TRIM11: variants seen among roughly 807,000 people sequenced by gnomAD.
The protein encoded by TRIM11 is E3 ubiquitin-protein ligase TRIM11.
Under a neutral mutation model 33.4 loss-of-function variants are expected in TRIM11, and 15 were observed. That is an observed-to-expected ratio of 0.45 (90% CI 0.30 to 0.69). The LOEUF is 0.69. TRIM11 is among the 30% of genes least tolerant of loss of function. TRIM11 has a pLI of 0.08. For synonymous variants in TRIM11, 281 were observed against 302.6 expected (o/e 0.93, Z 0.74); for missense variants, 499 against 667.6 (o/e 0.75, Z 2.78).
At chr1:228,398,886 T>C (rs2075007346) in intron 3 of TRIM11, among the ~76,000 whole-genome samples, 1 of 151,724 alleles carries the variant, frequency 6.6e-6, no homozygotes, top group South Asian at 2.1e-4. Context: ...GAGAAGGGCT[T>C]GGGGGTAGAG....
Position 228,397,169 on chromosome 1 carries a change from T to A in TRIM11, c.736-4A>T. 1 of 1,612,106 alleles carries A rather than the reference T, an allele frequency of 6.2e-7. No homozygotes were observed. The highest frequency in any genetic ancestry group is 1.1e-5 in the South Asian group (1 of 91,000). ...TGCGCAGGGCGTCCTTGATGTCCTA[T>A]GTGGGGAGGAGAAACAGCACACTCG... On this transcript the variant is annotated splice_polypyrimidine_tract_variant and splice_region_variant and intron_variant, in intron 3 of 5. Coordinates refer to ENST00000284551, the MANE Select transcript of TRIM11 (RefSeq NM_145214.3).
chr1:228,401,917 G>A lies in TRIM11; in HGVS notation c.504+149C>T. 1.9e-6 allele frequency: 1 copy of A among 527,142 alleles called. No homozygotes were observed. Among genetic ancestry groups the A allele is most frequent in the Middle Eastern group, 5.1e-4 (1 of 1,966 alleles). 32.7% of individuals were successfully genotyped at this position (527,142 alleles called of 1,614,324 possible). A position where few individuals can be genotyped will look rare whatever the true frequency, so the allele number is the denominator to read the frequency against. On this transcript the variant is annotated intron_variant, in intron 2 of 5. Coordinates refer to ENST00000284551, the MANE Select transcript of TRIM11 (RefSeq NM_145214.3). The surrounding 1 kb of genome is among the most constrained non-coding windows in gnomAD (Gnocchi z 6.1). ...CACGTGGGAAAGGACCAGCCCTTCA[G>A]TGGGCTCGGTGGGGCCAGGCTGAAG...
chr1:228,406,330 C>A lies in TRIM11; in HGVS notation c.232G>T (p.Ala78Ser). 2 of 1,472,556 alleles carry A rather than the reference C, an allele frequency of 1.4e-6. No homozygotes were observed. The highest frequency in any genetic ancestry group is 2.8e-5 in the East Asian group (1 of 36,218). 91.2% of individuals were successfully genotyped at this position (1,472,556 alleles called of 1,614,324 possible). A position where few individuals can be genotyped will look rare whatever the true frequency, so the allele number is the denominator to read the frequency against. ...GGCGACGGCGGGTGCAGGCGCCGCGCCATCTCGGCCATCTTAGCAAGCGGG... is the reference window on the plus strand; with the variant it reads ...GGCGACGGCGGGTGCAGGCGCCGCGACATCTCGGCCATCTTAGCAAGCGGG... ...NRPLAKMAEM[A>S]RRLHPPSPVP... The change falls in exon 1 of 6, where the codon GCG (alanine) becomes TCG (serine). Residue 78 changes from alanine (A) to serine (S), a missense_variant. Physicochemically the swap from Ala to Ser is moderately conservative, Grantham distance 99. Coordinates refer to ENST00000284551, the MANE Select transcript of TRIM11 (RefSeq NM_145214.3). This position sits in a 1 kb window ranked among gnomAD's most constrained non-coding sequence, Gnocchi z 8.2.
intron 2 of TRIM11, 41 bp downstream of exon 2, chr1:228,402,025 C>T (rs1656250432): frequency 6.4e-7 from 1 of 1,572,652 alleles, no homozygotes; most frequent in Admixed American, 1.7e-5. Flanking sequence ...ACCTTCACCC[C>T]CTACCCTGCC....
rs2074975606 is a variant in TRIM11, at chr1:228,395,388, C to T, written c.860-136G>A. 7 of 856,544 alleles carry T rather than the reference C, an allele frequency of 8.2e-6. No homozygotes were observed. Among genetic ancestry groups the T allele is most frequent in the Admixed American group, 3.9e-5 (1 of 25,930 alleles). The allele number at this position is 856,544 out of a possible 1,614,324, so 53.1% of individuals were successfully genotyped here. On this transcript the variant is annotated intron_variant, in intron 5 of 5. Coordinates refer to ENST00000284551, the MANE Select transcript of TRIM11 (RefSeq NM_145214.3). This position sits in a 1 kb window ranked among gnomAD's most constrained non-coding sequence, Gnocchi z 4.8. ...CTGCCCTGGGCCTGTAGCCTCACAA[C>T]CTCCTGGAGTAACTAACTGTCTCCA...
chr1:228,399,030 G>A (rs1029285841), intron 3 of TRIM11, among the ~76,000 whole-genome samples: 11 of 152,062 alleles, frequency 7.2e-5, no homozygotes, highest in African/African-American at 2.7e-4. Flanking sequence ...GGACCCCAGA[G>A]TCCATAGCAG....
chr1:228,397,063 C>T lies in TRIM11; in HGVS notation c.759-16G>A, dbSNP rs1394068240. The T allele has an allele frequency of 1.9e-6, 3 of 1,613,896 alleles. No homozygotes were observed. The highest frequency in any genetic ancestry group is 2.5e-6 in the Non-Finnish European group (3 of 1,179,862). ...ATCCTGGACCCTAGAGGGGACAACC[C>T]AGGTGTTGTCGCCATGGCCAACAGC... On this transcript the variant is annotated splice_polypyrimidine_tract_variant and intron_variant, in intron 4 of 5. Transcript: ENST00000284551.
chr1:228,401,204 C>T lies in TRIM11; in HGVS notation c.505-10G>A, dbSNP rs1419458670. 2 of 1,610,836 alleles carry T rather than the reference C, an allele frequency of 1.2e-6. No individual in the cohort carries two copies. The highest frequency in any genetic ancestry group is 1.7e-6 in the Non-Finnish European group (2 of 1,178,370). The stretch of plus-strand genomic sequence containing the variant: ...GGCTCTCCACCATCTTCTGTGGAGC[C>T]CAGGGAGAAGGACAGCTGAGGCCAG... On this transcript the variant is annotated splice_polypyrimidine_tract_variant and intron_variant, in intron 2 of 5. Coordinates refer to ENST00000284551, the MANE Select transcript of TRIM11 (RefSeq NM_145214.3). This position sits in a 1 kb window ranked among gnomAD's most constrained non-coding sequence, Gnocchi z 6.1.
rs547389971 is a variant in TRIM11, at chr1:228,400,304, G to A, written c.735+660C>T. Among the ~76,000 whole-genome samples, 20 of 152,356 alleles carry A rather than the reference G, an allele frequency of 1.3e-4. No individual in the cohort carries two copies. Among genetic ancestry groups the A allele is most frequent in the African/African-American group, 4.6e-4 (19 of 41,582 alleles). ...CGGGGCCTCTCAGCATGGGAGTGCC[G>A]TCAGTCCTCATCAGTGCACGCTTGC... is the stretch of plus-strand genomic sequence containing the variant. On this transcript the variant is annotated intron_variant, in intron 3 of 5. Transcript: ENST00000284551. This position sits in a 1 kb window ranked among gnomAD's most constrained non-coding sequence, Gnocchi z 4.5.
chr1:228,399,898 A>AAC (rs1656116728), intron 3 of TRIM11, among the ~76,000 whole-genome samples: 1 of 150,928 alleles, frequency 6.6e-6, no homozygotes, highest in Non-Finnish European at 1.5e-5. Context: ...AAACAAAAAA[A>AAC]AAAAAACAAA....
chr1:228,402,538 C>G (rs375514853), intron 1 of TRIM11: 79 of 167,916 alleles, frequency 4.7e-4, no homozygotes, highest in African/African-American at 1.7e-3. Flanking sequence ...CCAGTGTCTA[C>G]TCCTCCTCCT....
At chr1:228,398,845 G>A (rs1433359538) in intron 3 of TRIM11, among the ~76,000 whole-genome samples, 1 of 152,074 alleles carries the variant, frequency 6.6e-6, no homozygotes, top group African/African-American at 2.4e-5. Flanking sequence ...ACAGGTGGTG[G>A]CTGTCACAAG....
chr1:228,396,591 G>C (rs893901575), intron 5 of TRIM11: 3 of 666,418 alleles, frequency 4.5e-6, no homozygotes, highest in African/African-American at 3.6e-5. Context: ...AGTATGGGCA[G>C]CCCCTGGAAG....
In TRIM11 at chr1:228,401,296, C is replaced by A; in HGVS notation, c.505-102G>T. 1 of 1,400,908 alleles carries A rather than the reference C, an allele frequency of 7.1e-7. No individual in the cohort carries two copies. The allele number at this position is 1,400,908 out of a possible 1,614,324, so 86.8% of individuals were successfully genotyped here. A position where few individuals can be genotyped will look rare whatever the true frequency, so the allele number is the denominator to read the frequency against. ...GCCCACCCAGAGGCCTGGCTGCACCCAACCCCACCCCCGGGGCCTGCTAAA... is the reference window on the plus strand; with the variant it reads ...GCCCACCCAGAGGCCTGGCTGCACCAAACCCCACCCCCGGGGCCTGCTAAA... On this transcript the variant is annotated intron_variant, in intron 2 of 5. Transcript: ENST00000284551. The surrounding 1 kb of genome is among the most constrained non-coding windows in gnomAD (Gnocchi z 6.1).
Position 228,402,152 on chromosome 1 carries a change from C to G in TRIM11, c.418G>C (p.Glu140Gln), listed in dbSNP as rs537379111. 6.8e-6 allele frequency: 11 copies of G among 1,612,032 alleles called. No individual in the cohort carries two copies. In the Admixed American group the frequency reaches 1.2e-4, roughly 17 times the overall value. Residue 140 changes from glutamate to glutamine, a missense_variant, in exon 2 of 6, where the codon GAG becomes CAG. Transcript: ENST00000284551. ...TTCCGGAGATGCTCCAGTGACTTCT[C>G]CAGCTTCGCCTGCGGGAGAGGCCAG... ...DAAEDLKAKL[E>Q]KSLEHLRKQM...
rs1248605956 is a variant in TRIM11, at chr1:228,395,208, G to A, written c.904C>T (p.Leu302=). 1 of 1,493,898 alleles carries A rather than the reference G, an allele frequency of 6.7e-7. No homozygotes were observed. The highest frequency in any genetic ancestry group is 2.3e-5 in the East Asian group (1 of 43,152). The allele number at this position is 1,493,898 out of a possible 1,614,324, so 92.5% of individuals were successfully genotyped here. The change falls in exon 6 of 6, where the codon CTG becomes TTG. Residue 302 remains leucine, a synonymous_variant. Transcript: ENST00000284551. The surrounding 1 kb of genome is among the most constrained non-coding windows in gnomAD (Gnocchi z 4.8). ...DPDTANPELI[L]SEDRRSVQRG... ...TGCACGCTCCGCCTGTCTTCAGACA[G>A]GATCAGCTCAGGGTTGGCGGTGTCC...
At position 228,395,664 on chromosome 1, in the gene TRIM11, G is replaced by C. The variant is rs2074979564; in HGVS notation, c.860-412C>G. On this transcript the variant is annotated intron_variant, in intron 5 of 5. Transcript: ENST00000284551. This position sits in a 1 kb window ranked among gnomAD's most constrained non-coding sequence, Gnocchi z 4.8. ...ATCCTCCCAAGCTGCTGGGATTACA[G>C]GCGTGTGCCACCATGGCTGGCTCAT... is the stretch of plus-strand genomic sequence containing the variant. The C allele has an allele frequency of 6.1e-6, 1 of 164,298 alleles. No individual in the cohort carries two copies. The allele number at this position is 164,298 out of a possible 1,614,324, so 10.2% of individuals were successfully genotyped here. A position where few individuals can be genotyped will look rare whatever the true frequency, so the allele number is the denominator to read the frequency against.
rs993542331 is a variant in TRIM11 at position 228,400,736 on chromosome 1, G to A, written c.735+228C>T. 3.3e-5 allele frequency among the ~76,000 whole-genome samples: 5 copies of A among 152,172 alleles called. No individual in the cohort carries two copies. Among genetic ancestry groups the A allele is most frequent in the South Asian group, 2.1e-4 (1 of 4,834 alleles). ...ACATCAACTGTTTACATCTACAGAG[G>A]AAAATTGATTTTCCCTTTCTCGGCA... On this transcript the variant is annotated intron_variant, in intron 3 of 5. Coordinates refer to ENST00000284551, the MANE Select transcript of TRIM11 (RefSeq NM_145214.3). The surrounding 1 kb of genome is among the most constrained non-coding windows in gnomAD (Gnocchi z 4.5).
chr1:228,406,498 A>G lies in TRIM11; in HGVS notation c.64T>C (p.Tyr22His). Reference protein sequence around the residue: ...EEATCAICLDYFTDPVMTDCG... With the variant: ...EEATCAICLDHFTDPVMTDCG... Reference sequence around the variant, plus strand: ...TCGGTCATCACCGGATCCGTGAAGTAGTCGAGGCAGATGGCGCAGGTGGCC... The same window carrying G: ...TCGGTCATCACCGGATCCGTGAAGTGGTCGAGGCAGATGGCGCAGGTGGCC... The change falls in exon 1 of 6, where the codon TAC becomes CAC. Residue 22 changes from tyrosine (Y) to histidine (H), a missense_variant. Tyr to His is a moderately conservative substitution (Grantham distance 83). Transcript: ENST00000284551. The surrounding 1 kb of genome is among the most constrained non-coding windows in gnomAD (Gnocchi z 8.2). 6.3e-7 allele frequency: 1 copy of G among 1,584,762 alleles called. No homozygotes were observed. Among genetic ancestry groups the G allele is most frequent in the Non-Finnish European group, 8.6e-7 (1 of 1,167,674 alleles).
Sources: allele counts gnomAD v4.1 joint callset (sites outside exome capture counted in the v4.1 genomes callset), GRCh38; gene constraint gnomAD v4.1.1; non-coding constraint Gnocchi (gnomAD v3.1); transcripts MANE v1.5; gene names NCBI Gene and HGNC (gene_info 2026-07-23, HGNC 2026-07-21).